ASTN2: variants seen among roughly 807,000 people sequenced by gnomAD.
ASTN2 encodes astrotactin-2.
In ASTN2, 54 loss-of-function variants were observed where a neutral mutation model predicts 139.8. The observed-to-expected ratio is 0.39, with a 90% CI of 0.31 to 0.48. The LOEUF is 0.48. Ranked by LOEUF, ASTN2 falls within the 20% of genes least tolerant of loss-of-function variation. The pLI is 0.95. For synonymous variants in ASTN2, 756 were observed against 719.5 expected (o/e 1.05, Z -0.81); for missense variants, 1,565 against 1,725.1 (o/e 0.91, Z 1.64).
chr9:116,685,119 T>C (rs917755502), intron 16 of ASTN2, among the ~76,000 whole-genome samples: 6 of 152,198 alleles, frequency 3.9e-5, no homozygotes, highest in Non-Finnish European at 8.8e-5. Context: ...AAAATGCTTC[T>C]GAGATCAGTG....
At chr9:116,574,612 G>GA (rs1282453986) in intron 19 of ASTN2, among the ~76,000 whole-genome samples, 1 of 152,228 alleles carries the variant, frequency 6.6e-6, no homozygotes, top group Non-Finnish European at 1.5e-5. Flanking sequence ...GGAAGGCAGA[G>GA]AAAGACAACA....
At chr9:117,298,931 A>AAGAGAC (rs1165146381) in intron 1 of ASTN2, among the ~76,000 whole-genome samples, 7 of 151,960 alleles carry the variant, frequency 4.6e-5, no homozygotes, top group Non-Finnish European at 1.0e-4. Context: ...GGACAGAGAG[A>AAGAGAC]AGAGACAGCA....
At chr9:116,513,390 C>T (rs1484547420) in intron 19 of ASTN2, among the ~76,000 whole-genome samples, 2 of 152,172 alleles carry the variant, frequency 1.3e-5, no homozygotes, top group Non-Finnish European at 2.9e-5. Context: ...TGGTGGGCTT[C>T]CCTTTGTGGA....
At chr9:117,395,838 A>G (rs2130952972) in intron 1 of ASTN2, among the ~76,000 whole-genome samples, 1 of 152,344 alleles carries the variant, frequency 6.6e-6, no homozygotes, top group East Asian at 1.9e-4. Flanking sequence ...CCCAGATGGA[A>G]AAAATATTTG....
intron 13 of ASTN2, among the ~76,000 whole-genome samples, chr9:116,781,121 C>T (rs115229702): frequency 0.017 from 2,565 of 152,188 alleles, 67 homozygotes; most frequent in African/African-American, 0.058. Context: ...ATTACATGAG[C>T]CACCCTGCCT....
intron 1 of ASTN2, among the ~76,000 whole-genome samples, chr9:117,317,221 G>T (rs1168024192): frequency 6.6e-6 from 1 of 152,116 alleles, no homozygotes; most frequent in Admixed American, 6.6e-5. Flanking sequence ...AGCCTTTTAT[G>T]TTGAATAGCT....
chr9:117,095,911 A>T, intron 5 of ASTN2, 133 bp downstream of exon 5: 1 of 736,986 alleles, frequency 1.4e-6, no homozygotes, highest in Non-Finnish European at 2.3e-6. Flanking sequence ...AGGGCAACAG[A>T]TACTAAGCTC....
At chr9:117,234,225 C>G (rs1004088682) in intron 2 of ASTN2, among the ~76,000 whole-genome samples, 1 of 152,202 alleles carries the variant, frequency 6.6e-6, no homozygotes, top group Non-Finnish European at 1.5e-5. Context: ...CTGTCTGCCA[C>G]CAGCCTGAAA....
intron 6 of ASTN2, among the ~76,000 whole-genome samples, chr9:117,029,974 C>T (rs1452857459): frequency 6.6e-6 from 1 of 151,880 alleles, no homozygotes; most frequent in African/African-American, 2.4e-5. Flanking sequence ...ATGAATCAGC[C>T]CACTAATACT....
intron 13 of ASTN2, among the ~76,000 whole-genome samples, chr9:116,743,699 C>A (rs556672060): frequency 6.6e-6 from 1 of 152,270 alleles, no homozygotes; most frequent in African/African-American, 2.4e-5. Flanking sequence ...GACGGGGTTT[C>A]ACCATGTCAG....
chr9:117,276,638 G>A (rs1264185718), intron 2 of ASTN2, among the ~76,000 whole-genome samples: 3 of 152,170 alleles, frequency 2.0e-5, no homozygotes, highest in Non-Finnish European at 2.9e-5. Flanking sequence ...GGGAAAGCCC[G>A]GAGCTGCTTG....
chr9:117,142,986 G>C (rs1003285161), intron 3 of ASTN2, among the ~76,000 whole-genome samples: 3 of 152,156 alleles, frequency 2.0e-5, no homozygotes, highest in Admixed American at 2.0e-4. Context: ...ACTAGACAAA[G>C]AAGGCTCCTG....
intron 6 of ASTN2, among the ~76,000 whole-genome samples, chr9:117,019,527 C>T (rs1837811013): frequency 6.6e-6 from 1 of 152,094 alleles, no homozygotes; most frequent in Admixed American, 6.6e-5. Flanking sequence ...GCCTTCTCAG[C>T]AACCAGCCTT....
chr9:116,533,115 T>C (rs1851435965), intron 19 of ASTN2, among the ~76,000 whole-genome samples: 2 of 152,218 alleles, frequency 1.3e-5, no homozygotes, highest in African/African-American at 4.8e-5. Context: ...TTATTCTTTT[T>C]GAAGCAATTG....
At chr9:116,506,000 C>T (rs1850095725) in intron 19 of ASTN2, among the ~76,000 whole-genome samples, 1 of 152,256 alleles carries the variant, frequency 6.6e-6, no homozygotes, top group African/African-American at 2.4e-5. Flanking sequence ...ATCCTCATAC[C>T]CTATTTTTCT....
intron 10 of ASTN2, among the ~76,000 whole-genome samples, chr9:116,935,283 A>G (rs561470566): frequency 1.3e-5 from 2 of 152,348 alleles, no homozygotes; most frequent in South Asian, 4.1e-4. Context: ...TTAAAGTTCT[A>G]TATACCAGAA....
At chr9:116,806,523 T>C (rs2132248017) in intron 12 of ASTN2, among the ~76,000 whole-genome samples, 1 of 152,310 alleles carries the variant, frequency 6.6e-6, no homozygotes, top group Non-Finnish European at 1.5e-5. Flanking sequence ...TGAAAAATCA[T>C]TCCAGAAACT....
intron 11 of ASTN2, among the ~76,000 whole-genome samples, chr9:116,838,559 A>G (rs13289801): frequency 0.22 from 32,565 of 149,924 alleles, 4,391 homozygotes; most frequent in Non-Finnish European, 0.29. Context: ...AAGTAGCTGG[A>G]ATTACAGGCG....
In ASTN2 at chr9:116,837,186, C is replaced by T. The variant is rs540927254; in HGVS notation, c.2041-16403G>A. On this transcript the variant is annotated intron_variant, in intron 11 of 22. Transcript: ENST00000313400. Reference sequence around the variant, plus strand: ...GTCTGGGGAAGCAGGCTCTGTGCATCTGGGCAGGGGCTTGAGAAAGGGAGT... The same window carrying T: ...GTCTGGGGAAGCAGGCTCTGTGCATTTGGGCAGGGGCTTGAGAAAGGGAGT... Among the ~76,000 whole-genome samples, 3 of 152,296 alleles carry T rather than the reference C, an allele frequency of 2.0e-5. No homozygotes were observed. The South Asian group carries it at 6.2e-4, about 32-fold the overall frequency.
Sources: allele counts gnomAD v4.1 joint callset (sites outside exome capture counted in the v4.1 genomes callset), GRCh38; gene constraint gnomAD v4.1.1; transcripts MANE v1.5; gene names NCBI Gene and HGNC (gene_info 2026-07-23, HGNC 2026-07-21).